The following IL6R variants were observed in gnomAD, a reference collection of about 807,000 sequenced individuals.
IL6R encodes the protein interleukin-6 receptor subunit alpha.
A neutral mutation model predicts 48.3 loss-of-function variants in IL6R; 38 were observed. The observed-to-expected ratio is 0.79, with a 90% CI of 0.61 to 1.03. IL6R has a LOEUF of 1.03. Among genes scored for constraint, IL6R ranks in the 50% least tolerant of loss-of-function variants. The pLI is 0.00. For missense variants in IL6R, 534 were observed against 618.3 expected, an observed-to-expected ratio of 0.86 and a Z score of 1.45; for synonymous variants, 264 against 256.2, an observed-to-expected ratio of 1.03 and a Z score of -0.29.
Position 154,437,338 on chromosome 1 carries a change from C to T in IL6R, c.949+1228C>T, listed in dbSNP as rs181088116. The T allele has an allele frequency of 9.3e-3, 2,394 of 258,430 alleles. 68 individuals carry two copies. The highest frequency in any genetic ancestry group is 0.05 in the African/African-American group (2,238 of 45,078). 16.0% of individuals were successfully genotyped at this position (258,430 alleles called of 1,614,324 possible). Reference sequence around the variant, plus strand: ...GGTCTCAATCTCCTGACCTTGTGATCCACCCGCCTCAGCCTCCCAAAGTGC... The same window carrying T: ...GGTCTCAATCTCCTGACCTTGTGATTCACCCGCCTCAGCCTCCCAAAGTGC... On this transcript the variant is annotated intron_variant, in intron 6 of 9. Transcript: ENST00000368485.
chr1:154,423,260 A>ATATATATATATCT, intron 1 of IL6R, among the ~76,000 whole-genome samples: 1 of 85,464 alleles, frequency 1.2e-5, no homozygotes, highest in Non-Finnish European at 2.6e-5. Context: ...TGTTTAATTA[A>ATATATATATATCT]ATATATATAT....
At chr1:154,459,823 C>T (rs1323011782) in intron 9 of IL6R, among the ~76,000 whole-genome samples, 1 of 152,126 alleles carries the variant, frequency 6.6e-6, no homozygotes, top group African/African-American at 2.4e-5. Flanking sequence ...TATTTTTCTG[C>T]ATATTTATCT....
At chr1:154,448,875 CTTTTTTTTTTTTTTT>C (rs757221328) in intron 7 of IL6R, among the ~76,000 whole-genome samples, 13 of 73,310 alleles carry the variant, frequency 1.8e-4, no homozygotes, top group South Asian at 5.0e-4. Flanking sequence ...CTTGTAAGGG[CTTTTTTTTTTTTTTT>C]TTTTTTTTTT....
chr1:154,410,137 C>G (rs1341848668), intron 1 of IL6R, among the ~76,000 whole-genome samples: 1 of 152,136 alleles, frequency 6.6e-6, no homozygotes, highest in Non-Finnish European at 1.5e-5. Context: ...GTCCTCAGCC[C>G]TTTAGCTCCT....
At chr1:154,410,397 G>A (rs1015970939) in intron 1 of IL6R, among the ~76,000 whole-genome samples, 5 of 151,990 alleles carry the variant, frequency 3.3e-5, no homozygotes, top group African/African-American at 4.8e-5. Context: ...GACTACAGGC[G>A]TGCACCACCA....
chr1:154,430,990 T>C (rs1367589209), intron 3 of IL6R, among the ~76,000 whole-genome samples: 1 of 152,178 alleles, frequency 6.6e-6, no homozygotes, highest in Admixed American at 6.5e-5. Context: ...GTCCGAAGAT[T>C]ATGGGCGTTG....
chr1:154,406,188 AC>A (rs995655524), intron 1 of IL6R, among the ~76,000 whole-genome samples: 2 of 151,114 alleles, frequency 1.3e-5, no homozygotes, highest in African/African-American at 4.9e-5. Flanking sequence ...TCCTCCCCCC[AC>A]CCCCGCGGGT....
intron 1 of IL6R, among the ~76,000 whole-genome samples, chr1:154,413,612 T>C (rs976998751): frequency 4.6e-5 from 7 of 152,234 alleles, no homozygotes; most frequent in Admixed American, 1.3e-4. Flanking sequence ...GCATTTATCT[T>C]ATCTGAATAA....
At chr1:154,420,809 T>A (rs1170426870) in intron 1 of IL6R, among the ~76,000 whole-genome samples, 1 of 152,106 alleles carries the variant, frequency 6.6e-6, no homozygotes, top group Non-Finnish European at 1.5e-5. Context: ...GTGCTGAGAT[T>A]ACAGGCGTGA....
At chr1:154,434,863 C>T (rs1170488514) in intron 4 of IL6R, 127 bp from the exon 5 acceptor site, 5 of 1,212,670 alleles carry the variant, frequency 4.1e-6, no homozygotes, top group East Asian at 5.0e-5. Flanking sequence ...AAAGCAGGCC[C>T]TTGTGGAGCT....
intron 9 of IL6R, among the ~76,000 whole-genome samples, chr1:154,456,158 A>C (rs979306450): frequency 2.6e-5 from 4 of 151,954 alleles, no homozygotes; most frequent in African/African-American, 9.7e-5. Flanking sequence ...AGATAATAAT[A>C]AACTGTTTTA....
chr1:154,429,716 G>T (rs1000697219), intron 2 of IL6R, among the ~76,000 whole-genome samples: 1 of 152,062 alleles, frequency 6.6e-6, no homozygotes, highest in Non-Finnish European at 1.5e-5. Flanking sequence ...AGGCAGCCTG[G>T]GTTTGAATCC....
chr1:154,445,328 C>T (rs531779244), intron 6 of IL6R, among the ~76,000 whole-genome samples: 63 of 152,276 alleles, frequency 4.1e-4, no homozygotes, highest in African/African-American at 1.3e-3. Flanking sequence ...ACTTTAACCC[C>T]AGAAACCTGA....
At chr1:154,460,020 G>A (rs1020200087) in intron 9 of IL6R, among the ~76,000 whole-genome samples, 6 of 152,144 alleles carry the variant, frequency 3.9e-5, no homozygotes, top group Non-Finnish European at 7.3e-5. Flanking sequence ...TGGGTGCAGT[G>A]GGCACTGTCT....
chr1:154,407,846 C>G (rs1308336411), intron 1 of IL6R, among the ~76,000 whole-genome samples: 3 of 152,204 alleles, frequency 2.0e-5, no homozygotes, highest in Non-Finnish European at 4.4e-5. Flanking sequence ...TTCCAACACT[C>G]TGGTGCTGGA....
chr1:154,419,998 C>T (rs1459360130), intron 1 of IL6R, among the ~76,000 whole-genome samples: 3 of 151,994 alleles, frequency 2.0e-5, no homozygotes, highest in Non-Finnish European at 4.4e-5. Flanking sequence ...GAGGGGGAAT[C>T]CTAGGCCACC....
At chr1:154,457,619 C>T (rs1016055130) in intron 9 of IL6R, among the ~76,000 whole-genome samples, 36 of 152,290 alleles carry the variant, frequency 2.4e-4, no homozygotes, top group Non-Finnish European at 4.4e-4. Context: ...TCCAAGTCTG[C>T]AGAAAAGTCA....
chr1:154,431,768 G>A (rs1025428834), intron 3 of IL6R, among the ~76,000 whole-genome samples: 1 of 152,136 alleles, frequency 6.6e-6, no homozygotes, highest in East Asian at 1.9e-4. Context: ...CTGGGTCACC[G>A]AGCCATGATG....
chr1:154,461,014 ATCT>A (rs758748747), intron 9 of IL6R, among the ~76,000 whole-genome samples: 8 of 152,172 alleles, frequency 5.3e-5, no homozygotes, highest in South Asian at 4.1e-4. Context: ...AGGAAGGTAA[ATCT>A]TCTAAGTGAT....
Sources: gnomAD v4.1 joint callset for allele counts (sites outside exome capture counted in the v4.1 genomes callset) on GRCh38, gnomAD v4.1.1 for gene constraint, MANE v1.5 for transcripts, NCBI Gene and HGNC (gene_info 2026-07-23, HGNC 2026-07-21) for gene names.